The following XRCC4 variants were observed in gnomAD, a reference collection of about 807,000 sequenced individuals.
XRCC4 encodes the protein DNA repair protein XRCC4.
XRCC4 carries 28 observed loss-of-function variants against 39.1 expected under a neutral mutation model. The observed-to-expected ratio is 0.72, with a 90% CI of 0.53 to 0.98. The LOEUF (loss-of-function observed/expected upper bound fraction) is 0.98. XRCC4 is among the 50% of genes least tolerant of loss of function. XRCC4 has a pLI of 0.00. For synonymous variants in XRCC4, 123 were observed against 126.4 expected, an observed-to-expected ratio of 0.97 and a Z score of 0.18; for missense variants, 350 against 376.4, an observed-to-expected ratio of 0.93 and a Z score of 0.58.
In XRCC4 at chr5:83,262,932, C is replaced by T. The variant is rs1189142135; in HGVS notation, c.893+4255C>T. Among the ~76,000 whole-genome samples, 7 of 143,512 alleles carry T rather than the reference C, an allele frequency of 4.9e-5. No homozygotes were observed. In the Admixed American group the frequency reaches 5.1e-4, roughly 10 times the overall value. 94.1% of individuals were successfully genotyped at this position (143,512 alleles called of 152,430 possible). On this transcript the variant is annotated intron_variant, in intron 7 of 7. Transcript: ENST00000396027. Reference sequence around the variant, plus strand: ...TATGTATACATGTGCCATGCTGGTGCGCTGCACCCACTAACTCGTCATCTA... The same window carrying T: ...TATGTATACATGTGCCATGCTGGTGTGCTGCACCCACTAACTCGTCATCTA...
chr5:83,323,291 C>T (rs1756137711), intron 7 of XRCC4, among the ~76,000 whole-genome samples: 1 of 151,824 alleles, frequency 6.6e-6, no homozygotes, highest in Admixed American at 6.6e-5. Flanking sequence ...TTTGATTACT[C>T]ATATTTATCA....
chr5:83,180,561 G>T (rs541514151), intron 3 of XRCC4, among the ~76,000 whole-genome samples: 3 of 152,228 alleles, frequency 2.0e-5, no homozygotes, highest in African/African-American at 7.2e-5. Flanking sequence ...AATTTCAGAT[G>T]TGACTTTGAC....
At chr5:83,355,562 AAAT>A (rs1757180777), downstream of XRCC4, among the ~76,000 whole-genome samples, 1 of 152,246 alleles carries the variant, frequency 6.6e-6, no homozygotes, top group African/African-American at 2.4e-5. Context: ...TGATACAAAG[AAAT>A]AATTATTCAG....
Position 83,141,121 on chromosome 5 carries a change from C to T in XRCC4, c.315+29918C>T, listed in dbSNP as rs77338784. On this transcript the variant is annotated intron_variant, in intron 3 of 7. Transcript: ENST00000396027. Reference sequence around the variant, plus strand: ...TAGCAATGTATTCTGGAAATCACTCCATATCAGCTCATAAGGAACTTCTCC... The same window carrying T: ...TAGCAATGTATTCTGGAAATCACTCTATATCAGCTCATAAGGAACTTCTCC... Among the ~76,000 whole-genome samples, 443 of 152,274 alleles carry T rather than the reference C, an allele frequency of 2.9e-3. 12 individuals are homozygous for T. In the East Asian group the frequency reaches 0.074, roughly 25 times the overall value.
rs189736844 is a variant in XRCC4, at chr5:83,262,866, A to T, written c.893+4189A>T. 8.8e-3 allele frequency among the ~76,000 whole-genome samples: 982 copies of T among 112,108 alleles called. 10 individuals are homozygous for T. The highest frequency in any genetic ancestry group is 0.029 in the African/African-American group (906 of 31,254). The allele number at this position is 112,108 out of a possible 152,430, so 73.5% of individuals were successfully genotyped here. ...TTTTTTTTTTTTTTTTTTATACTTT[A>T]AGTTTCTGGGTACATGTGCACATTG... On this transcript the variant is annotated intron_variant, in intron 7 of 7. Transcript: ENST00000396027.
intron 1 of XRCC4, among the ~76,000 whole-genome samples, chr5:83,078,246 C>T (rs965810441): frequency 6.6e-6 from 1 of 152,234 alleles, no homozygotes; most frequent in Non-Finnish European, 1.5e-5. Flanking sequence ...TTCTACTACA[C>T]ACACACGTTT....
At chr5:83,159,571 C>T (rs183786937) in intron 3 of XRCC4, among the ~76,000 whole-genome samples, 23 of 152,122 alleles carry the variant, frequency 1.5e-4, no homozygotes, top group African/African-American at 5.6e-4. Context: ...AGGTGAAAAA[C>T]CAAGGGGCCT....
chr5:83,352,492 T>G (rs1304888182), intron 7 of XRCC4, among the ~76,000 whole-genome samples: 2 of 152,166 alleles, frequency 1.3e-5, no homozygotes, highest in Non-Finnish European at 2.9e-5. Flanking sequence ...ATCTTAGGAT[T>G]CAAAGAAAAT....
chr5:83,263,805 C>T (rs900030651), intron 7 of XRCC4, among the ~76,000 whole-genome samples: 25 of 151,478 alleles, frequency 1.7e-4, no homozygotes, highest in African/African-American at 5.1e-4. Context: ...TGCCTGTTCA[C>T]TCTGATGGTA....
intron 7 of XRCC4, among the ~76,000 whole-genome samples, chr5:83,294,244 G>T (rs1265747128): frequency 6.6e-6 from 1 of 151,988 alleles, no homozygotes; most frequent in East Asian, 1.9e-4. Flanking sequence ...AGAGGAACTT[G>T]CAGGTCATTT....
intron 3 of XRCC4, among the ~76,000 whole-genome samples, chr5:83,154,440 A>G (rs907670339): frequency 6.6e-6 from 1 of 152,218 alleles, no homozygotes; most frequent in Non-Finnish European, 1.5e-5. Context: ...CTAAACTGGT[A>G]TAATGCAAAT....
chr5:83,342,993 G>C (rs546405979), intron 7 of XRCC4, among the ~76,000 whole-genome samples: 1 of 151,618 alleles, frequency 6.6e-6, no homozygotes, highest in African/African-American at 2.4e-5. Flanking sequence ...CTGATATTTT[G>C]ATTTGGCTGT....
At chr5:83,327,727 C>G (rs923308341) in intron 7 of XRCC4, among the ~76,000 whole-genome samples, 1 of 151,874 alleles carries the variant, frequency 6.6e-6, no homozygotes, top group African/African-American at 2.4e-5. Flanking sequence ...GGAGTAAAAC[C>G]TCAATTAGTG....
chr5:83,360,083 A>G, the XRCC4 span, among the ~76,000 whole-genome samples: 1 of 152,178 alleles, frequency 6.6e-6, no homozygotes, highest in Non-Finnish European at 1.5e-5. Flanking sequence ...GTAGAATAAT[A>G]CGTATATTAA....
At chr5:83,219,518 C>T (rs1858069) in intron 6 of XRCC4, among the ~76,000 whole-genome samples, 150,100 of 152,278 alleles carry the variant, frequency 0.99, 73,988 homozygotes, top group East Asian at 1. Flanking sequence ...CTACAATAGA[C>T]GAGATGATGA....
In XRCC4 at chr5:83,196,478, G is replaced by A. The variant is rs553555290; in HGVS notation, c.482+542G>A. 8.6e-4 allele frequency among the ~76,000 whole-genome samples: 131 copies of A among 151,884 alleles called. No individual in the cohort carries two copies. In the Middle Eastern group the frequency reaches 0.01, roughly 12 times the overall value. ...GGAAGCCTTTTATTTTTATGGCTTTGCCTCTTTTTAAATGAGGAAGAAAAA... is the reference window on the plus strand; with the variant it reads ...GGAAGCCTTTTATTTTTATGGCTTTACCTCTTTTTAAATGAGGAAGAAAAA... On this transcript the variant is annotated intron_variant, in intron 4 of 7. Coordinates refer to ENST00000396027, the MANE Select transcript of XRCC4 (RefSeq NM_003401.5).
intron 1 of XRCC4, among the ~76,000 whole-genome samples, chr5:83,087,739 C>CA (rs928953926): frequency 2.0e-5 from 3 of 151,964 alleles, no homozygotes; most frequent in Admixed American, 6.6e-5. Context: ...CTAAAATACA[C>CA]AAAAAAATTA....
the XRCC4 span, among the ~76,000 whole-genome samples, chr5:83,361,084 GACTT>G: frequency 1.3e-5 from 2 of 152,152 alleles, no homozygotes; most frequent in Non-Finnish European, 2.9e-5. Context: ...TTGACTGTGT[GACTT>G]ACTTATTTTC....
Position 83,353,227 on chromosome 5 carries a change from C to G in XRCC4, c.990C>G (p.Leu330=), listed in dbSNP as rs770697764. Residue 330 remains leucine, a synonymous_variant, in exon 8 of 8, where the codon CTC becomes CTG. Transcript: ENST00000396027. ...TGAGAAACAGCAGCCCAGAAGACCTCTTTGATGAGATTTAACAGTCTCAAA... is the reference window on the plus strand; with the variant it reads ...TGAGAAACAGCAGCCCAGAAGACCTGTTTGATGAGATTTAACAGTCTCAAA... ...ETLRNSSPED[L]FDEI 1 of 1,608,154 alleles carries G rather than the reference C, an allele frequency of 6.2e-7. No individual in the cohort carries two copies. The highest frequency in any genetic ancestry group is 1.7e-5 in the Admixed American group (1 of 59,112).
Sources: gnomAD v4.1 joint callset for allele counts (sites outside exome capture counted in the v4.1 genomes callset) on GRCh38, gnomAD v4.1.1 for gene constraint, MANE v1.5 for transcripts, NCBI Gene and HGNC (gene_info 2026-07-23, HGNC 2026-07-21) for gene names.